The following CLCN1 variants were observed in gnomAD, a reference collection of about 807,000 sequenced individuals.
CLCN1 encodes the protein chloride channel protein 1.
Under a neutral mutation model 114.5 loss-of-function variants are expected in CLCN1, and 100 were observed. That is an observed-to-expected ratio of 0.87 (90% CI 0.74 to 1.03). The LOEUF (loss-of-function observed/expected upper bound fraction) is 1.03, where lower values mean the gene tolerates loss of function less well. Among genes scored for constraint, CLCN1 ranks in the 50% least tolerant of loss-of-function variants. The probability of loss-of-function intolerance (pLI) is 0.00; values close to 1 mark genes in which losing one functional copy is unlikely to be tolerated. For missense variants in CLCN1, 1,188 were observed against 1,250.0 expected (o/e 0.95, Z 0.75); for synonymous variants, 485 against 487.1 (o/e 1.00, Z 0.06).
At chr7:143,344,325 C>A (rs569234011) in intron 16 of CLCN1, among the ~76,000 whole-genome samples, 6 of 152,176 alleles carry the variant, frequency 3.9e-5, no homozygotes, top group South Asian at 2.1e-4. Flanking sequence ...ATTCTATATA[C>A]CCAGAGTGCC....
In CLCN1 at chr7:143,321,081, C is replaced by G. The variant is rs771833225; in HGVS notation, c.434-284C>G. Among the ~76,000 whole-genome samples, 1 of 152,168 alleles carries G rather than the reference C, an allele frequency of 6.6e-6. No individual in the cohort carries two copies. The highest frequency in any genetic ancestry group is 1.5e-5 in the Non-Finnish European group (1 of 68,020). On this transcript the variant is annotated intron_variant, in intron 3 of 22. Transcript: ENST00000343257. The surrounding 1 kb of genome is among the most constrained non-coding windows in gnomAD (Gnocchi z 4.2). ...CTTTCCCAGTTTCAGCACTGAACATCCCGAATCCCAGGAAGCCCCTTGGTT... is the reference window on the plus strand; with the variant it reads ...CTTTCCCAGTTTCAGCACTGAACATGCCGAATCCCAGGAAGCCCCTTGGTT...
chr7:143,331,918 T>G (rs1470943293), intron 10 of CLCN1, among the ~76,000 whole-genome samples: 1 of 152,210 alleles, frequency 6.6e-6, no homozygotes, highest in African/African-American at 2.4e-5. Flanking sequence ...AACCTCTGCC[T>G]CCTGGGTTCA....
chr7:143,346,249 C>A lies in CLCN1; in HGVS notation c.2282C>A (p.Ala761Glu). Residue 761 changes from alanine (A) to glutamate (E), a missense_variant and splice_region_variant, in exon 18 of 23, where the codon GCA becomes GAA. Ala to Glu is a moderately radical substitution (Grantham distance 107). Coordinates refer to ENST00000343257, the MANE Select transcript of CLCN1 (RefSeq NM_000083.3). ...CAGCAGCCGGAAGCACCAGAGCCTGCAGGTGACGCTCTTCCCTCATGCACC... is the reference window on the plus strand; with the variant it reads ...CAGCAGCCGGAAGCACCAGAGCCTGAAGGTGACGCTCTTCCCTCATGCACC... ...HKQQPEAPEP[A>E]GQRPSIFQSL... 1 of 1,602,090 alleles carries A rather than the reference C, an allele frequency of 6.2e-7. No individual in the cohort carries two copies. Among genetic ancestry groups the A allele is most frequent in the Non-Finnish European group, 8.6e-7 (1 of 1,169,532 alleles).
chr7:143,320,808 T>G lies in CLCN1; in HGVS notation c.433+13T>G. 1 of 1,613,966 alleles carries G rather than the reference T, an allele frequency of 6.2e-7. No individual in the cohort carries two copies. The highest frequency in any genetic ancestry group is 8.5e-7 in the Non-Finnish European group (1 of 1,179,902). Reference sequence around the variant, plus strand: ...AAAAGCCTTCAGGGTAGGTTTAACCTGGACCTTTGCCCACAGCCGTTTCTG... The same window carrying G: ...AAAAGCCTTCAGGGTAGGTTTAACCGGGACCTTTGCCCACAGCCGTTTCTG... On this transcript the variant is annotated intron_variant, in intron 3 of 22. Transcript: ENST00000343257.
At chr7:143,323,435 C>T (rs751928310) in intron 6 of CLCN1, 49 bp downstream of exon 6, 2 of 1,323,222 alleles carry the variant, frequency 1.5e-6, no homozygotes, top group South Asian at 2.3e-5. Context: ...TAGAAGGAGT[C>T]CGGCTGTGTG....
In CLCN1 at chr7:143,321,387, G is replaced by C; in HGVS notation, c.456G>C (p.Gln152His). The change falls in exon 4 of 23, where the codon CAG becomes CAC. Residue 152 changes from glutamine (Q) to histidine (H), a missense_variant. Coordinates refer to ENST00000343257, the MANE Select transcript of CLCN1 (RefSeq NM_000083.3). This position sits in a 1 kb window ranked among gnomAD's most constrained non-coding sequence, Gnocchi z 4.2. ...CAGCCTACAAGTGGTCCTACGCGCA[G>C]ATGCAGCCCAGCCTTCCTCTGCAGT... ...SLQAYKWSYA[Q>H]MQPSLPLQFL... 1 of 1,614,230 alleles carries C rather than the reference G, an allele frequency of 6.2e-7. No individual in the cohort carries two copies. Among genetic ancestry groups the C allele is most frequent in the South Asian group, 1.1e-5 (1 of 91,080 alleles).
intron 1 of CLCN1, among the ~76,000 whole-genome samples, chr7:143,318,459 G>C (rs182799111): frequency 1.3e-3 from 191 of 152,294 alleles, no homozygotes; most frequent in Non-Finnish European, 2.0e-3. Flanking sequence ...CTGACCTCAG[G>C]TAACCTGCCC....
chr7:143,350,608 ACGTGAC>A lies in CLCN1; in HGVS notation c.2551_2556del (p.Val851_Thr852del). On this transcript the variant is annotated inframe_deletion, in exon 22 of 23. Coordinates refer to ENST00000343257, the MANE Select transcript of CLCN1 (RefSeq NM_000083.3). The surrounding 1 kb of genome is among the most constrained non-coding windows in gnomAD (Gnocchi z 5.1). ...TCACTCCTTGGCCTCCACCTCGCTT[ACGTGAC>A]CAGCATGGGGAAGCTCAGGGGCGTC... The A allele has an allele frequency of 6.2e-7, 1 of 1,614,132 alleles. No individual in the cohort carries two copies. The highest frequency in any genetic ancestry group is 8.5e-7 in the Non-Finnish European group (1 of 1,180,014).
At position 143,332,296 on chromosome 7, in the gene CLCN1, A is replaced by G; in HGVS notation, c.1167-123A>G. ...AATATTGGTTTTTTGTGTGAAGAGAATCTTTTTCATTTAAAGAAATGAGAC... is the reference window on the plus strand; with the variant it reads ...AATATTGGTTTTTTGTGTGAAGAGAGTCTTTTTCATTTAAAGAAATGAGAC... On this transcript the variant is annotated intron_variant, in intron 10 of 22. Coordinates refer to ENST00000343257, the MANE Select transcript of CLCN1 (RefSeq NM_000083.3). 3.6e-6 allele frequency: 3 copies of G among 838,328 alleles called. No homozygotes were observed. In the South Asian group the frequency reaches 4.1e-5, roughly 11 times the overall value. 51.9% of individuals were successfully genotyped at this position (838,328 alleles called of 1,614,324 possible).
chr7:143,328,970 CT>C (rs962724858), intron 7 of CLCN1, among the ~76,000 whole-genome samples: 2,320 of 10,192 alleles, frequency 0.23, 35 homozygotes, highest in Middle Eastern at 0.36. Context: ...TTCTTTCTTT[CT>C]TTTTTTTTTT....
At position 143,350,511 on chromosome 7, in the gene CLCN1, A is replaced by AAGGCAGGAGAGCTGTGGGGC; in HGVS notation, c.2508+37_2509-36dup. Reference sequence around the variant, plus strand: ...TTGCTGACTGCTCAGGGCTGTGGGGAAGGCAGGAGAGCTGTGGGGCAAGGA... The same window carrying AAGGCAGGAGAGCTGTGGGGC: ...TTGCTGACTGCTCAGGGCTGTGGGGAAGGCAGGAGAGCTGTGGGGCAGGCAGGAGAGCTGTGGGGCAAGGA... On this transcript the variant is annotated intron_variant, in intron 21 of 22. Transcript: ENST00000343257. This position sits in a 1 kb window ranked among gnomAD's most constrained non-coding sequence, Gnocchi z 5.1. 1 of 1,607,322 alleles carries AAGGCAGGAGAGCTGTGGGGC rather than the reference A, an allele frequency of 6.2e-7. No homozygotes were observed. Among genetic ancestry groups the AAGGCAGGAGAGCTGTGGGGC allele is most frequent in the Non-Finnish European group, 8.5e-7 (1 of 1,173,756 alleles).
chr7:143,341,891 T>C, intron 14 of CLCN1, 38 bp from the exon 15 acceptor site: 1 of 1,541,242 alleles, frequency 6.5e-7, no homozygotes, highest in Non-Finnish European at 9.0e-7. Flanking sequence ...CTAAGAACGG[T>C]AGCCCTAACC....
chr7:143,349,900 GGA>G (rs1803349480), intron 20 of CLCN1, among the ~76,000 whole-genome samples: 1 of 152,150 alleles, frequency 6.6e-6, no homozygotes, highest in African/African-American at 2.4e-5. Flanking sequence ...CATCTGATTG[GGA>G]GAGTCAGGAA....
rs757871092 is a variant in CLCN1 at position 143,330,848 on chromosome 7, G to A, written c.930G>A (p.Thr310=). The change falls in exon 8 of 23, where the codon ACG becomes ACA. Residue 310 remains threonine (T), a synonymous_variant. Coordinates refer to ENST00000343257, the MANE Select transcript of CLCN1 (RefSeq NM_000083.3). The part of the protein sequence containing the change: ...RNYWRGFFAA[T]FSAFVFRVLA... Reference sequence around the variant, plus strand: ...ACTGGAGAGGATTCTTTGCAGCCACGTTCAGCGCCTTTGTGTTTCGAGTGC... The same window carrying A: ...ACTGGAGAGGATTCTTTGCAGCCACATTCAGCGCCTTTGTGTTTCGAGTGC... 10 of 1,614,204 alleles carry A rather than the reference G, an allele frequency of 6.2e-6. No individual in the cohort carries two copies. Among genetic ancestry groups the A allele is most frequent in the South Asian group, 3.3e-5 (3 of 91,086 alleles).
At chr7:143,329,375 G>C (rs1238283242) in intron 7 of CLCN1, among the ~76,000 whole-genome samples, 1 of 152,138 alleles carries the variant, frequency 6.6e-6, no homozygotes, top group Admixed American at 6.6e-5. Context: ...GCTGAAGGAC[G>C]GATGGTTTCG....
chr7:143,326,908 A>C (rs1295593566), intron 7 of CLCN1, among the ~76,000 whole-genome samples: 1 of 152,166 alleles, frequency 6.6e-6, no homozygotes. Context: ...GGTTCTATAA[A>C]CCAGTTGGAA....
chr7:143,344,782 C>T (rs1803183104), intron 16 of CLCN1, among the ~76,000 whole-genome samples: 2 of 145,182 alleles, frequency 1.4e-5, no homozygotes, highest in South Asian at 4.3e-4. Context: ...TGAAATCTCG[C>T]TCTTGTCGCC....
rs567380700 is a variant in CLCN1, at chr7:143,346,789, G to A, written c.2365-122G>A. On this transcript the variant is annotated intron_variant, in intron 19 of 22. Coordinates refer to ENST00000343257, the MANE Select transcript of CLCN1 (RefSeq NM_000083.3). ...AGGAGTTTAATCATATGGAAGGGAT[G>A]ATGAATGAAAAGGAGGCATCGGTGG... The A allele has an allele frequency of 5.9e-6, 7 of 1,193,066 alleles. 1 individual carries two copies. The African/African-American group carries it at 9.0e-5, about 15-fold the overall frequency. 73.9% of individuals were successfully genotyped at this position (1,193,066 alleles called of 1,614,324 possible).
In CLCN1 at chr7:143,323,171, A is replaced by G; in HGVS notation, c.697-138A>G. On this transcript the variant is annotated intron_variant, in intron 5 of 22. Coordinates refer to ENST00000343257, the MANE Select transcript of CLCN1 (RefSeq NM_000083.3). ...TTCCTCTCTGGGATGAGGCCTCGTG[A>G]GGGCAGGACCTCTGTGTAACTCCCG... 2.4e-5 allele frequency: 16 copies of G among 671,638 alleles called. 1 individual carries two copies. The South Asian group carries it at 2.5e-4, about 10-fold the overall frequency. The allele number at this position is 671,638 out of a possible 1,614,324, so 41.6% of individuals were successfully genotyped here.
Sources: allele counts gnomAD v4.1 joint callset (sites outside exome capture counted in the v4.1 genomes callset), GRCh38; gene constraint gnomAD v4.1.1; non-coding constraint Gnocchi (gnomAD v3.1); transcripts MANE v1.5; gene names NCBI Gene and HGNC (gene_info 2026-07-23, HGNC 2026-07-21).